CYTH3: variants seen among roughly 807,000 people sequenced by gnomAD.
The protein encoded by CYTH3 is cytohesin-3.
Under a neutral mutation model 55.1 loss-of-function variants are expected in CYTH3, and 23 were observed. The observed-to-expected ratio is 0.42, with a 90% CI of 0.30 to 0.59. The LOEUF (loss-of-function observed/expected upper bound fraction) is 0.59. Ranked by LOEUF, CYTH3 falls within the 20% of genes least tolerant of loss-of-function variation. The probability of loss-of-function intolerance (pLI) is 0.20; values close to 1 mark genes in which losing one functional copy is unlikely to be tolerated. For synonymous variants in CYTH3, 249 were observed against 194.9 expected (o/e 1.28, Z -2.31); for missense variants, 413 against 524.8 (o/e 0.79, Z 2.08).
At chr7:6,224,659 G>A (rs1779194475) in intron 1 of CYTH3, among the ~76,000 whole-genome samples, 1 of 152,184 alleles carries the variant, frequency 6.6e-6, no homozygotes, top group Admixed American at 6.5e-5. Context: ...ACAATTTAGT[G>A]GCTCCCCAGA....
chr7:6,252,497 G>T (rs948600362), intron 1 of CYTH3, among the ~76,000 whole-genome samples: 15 of 152,170 alleles, frequency 9.9e-5, no homozygotes, highest in African/African-American at 3.6e-4. Flanking sequence ...GAGACTCCGA[G>T]ACCCTGTTGC....
chr7:6,208,218 G>A (rs1454639865), intron 1 of CYTH3, among the ~76,000 whole-genome samples: 1 of 152,168 alleles, frequency 6.6e-6, no homozygotes, highest in Non-Finnish European at 1.5e-5. Context: ...GGCAGTCATT[G>A]CAAGATTTTT....
intron 1 of CYTH3, among the ~76,000 whole-genome samples, chr7:6,192,529 ATTTTTTTT>A (rs36036670): frequency 2.7e-5 from 3 of 111,324 alleles, no homozygotes; most frequent in African/African-American, 7.3e-5. Context: ...CCACAAGTCA[ATTTTTTTT>A]TTTTTTTTTT....
Position 6,165,250 on chromosome 7 carries a change from C to G in CYTH3, c.1127+23G>C, listed in dbSNP as rs200832651. Reference sequence around the variant, plus strand: ...ACCGGCACGAGAAGACGGGCCTGGCCCCGCCCCCGAGGCCCCACTCACTTG... The same window carrying G: ...ACCGGCACGAGAAGACGGGCCTGGCGCCGCCCCCGAGGCCCCACTCACTTG... On this transcript the variant is annotated intron_variant, in intron 12 of 12. Transcript: ENST00000350796. 100 of 1,598,818 alleles carry G rather than the reference C, an allele frequency of 6.3e-5. No individual in the cohort carries two copies. The East Asian group carries it at 1.9e-3, about 31-fold the overall frequency.
At chr7:6,180,614 G>A (rs1199709498) in intron 4 of CYTH3, among the ~76,000 whole-genome samples, 1 of 152,210 alleles carries the variant, frequency 6.6e-6, no homozygotes, top group South Asian at 2.1e-4. Flanking sequence ...GATTTCTCTT[G>A]TTTTAAACCA....
intron 1 of CYTH3, among the ~76,000 whole-genome samples, chr7:6,193,874 G>T (rs1056600704): frequency 6.6e-6 from 1 of 152,102 alleles, no homozygotes; most frequent in Non-Finnish European, 1.5e-5. Flanking sequence ...TCACCAAGCC[G>T]CCTTCTCCAC....
chr7:6,225,790 C>T (rs529683367), intron 1 of CYTH3, among the ~76,000 whole-genome samples: 4 of 151,994 alleles, frequency 2.6e-5, no homozygotes, highest in Non-Finnish European at 5.9e-5. Flanking sequence ...AGCGGTTCTC[C>T]TGCCTCAGGC....
chr7:6,194,916 A>G (rs940513401), intron 1 of CYTH3, among the ~76,000 whole-genome samples: 2 of 152,204 alleles, frequency 1.3e-5, no homozygotes, highest in Admixed American at 1.3e-4. Flanking sequence ...TGGAAGTTGC[A>G]GTGAGCCGAG....
chr7:6,203,338 G>A (rs956247674), intron 1 of CYTH3, among the ~76,000 whole-genome samples: 3 of 151,708 alleles, frequency 2.0e-5, no homozygotes, highest in African/African-American at 7.3e-5. Context: ...ACATATCATT[G>A]CCTCCATAGC....
rs780048664 is a variant in CYTH3 at position 6,223,696 on chromosome 7, T to C, written c.35-33165A>G. On this transcript the variant is annotated intron_variant, in intron 1 of 12. Coordinates refer to ENST00000350796, the MANE Select transcript of CYTH3 (RefSeq NM_004227.4). ...AAGTACCCAGGGACACAAACACTGC[T>C]GAAGGCCGAAGGGACCTCTGCCTAG... is the stretch of plus-strand genomic sequence containing the variant. Among the ~76,000 whole-genome samples the C allele has an allele frequency of 4.6e-5, 7 of 152,144 alleles. No individual in the cohort carries two copies. In the South Asian group the frequency reaches 8.3e-4, roughly 18 times the overall value.
Position 6,192,812 on chromosome 7 carries a change from C to T in CYTH3, c.35-2281G>A, listed in dbSNP as rs1329053886. Among the ~76,000 whole-genome samples the T allele has an allele frequency of 2.6e-5, 4 of 151,296 alleles. No homozygotes were observed. The South Asian group carries it at 8.4e-4, about 32-fold the overall frequency. On this transcript the variant is annotated intron_variant, in intron 1 of 12. Transcript: ENST00000350796. ...CCTCCCAAAATGCTGAGATTACAGG[C>T]CTGAGCCACCACACCTGGCCCACAA...
intron 1 of CYTH3, among the ~76,000 whole-genome samples, chr7:6,256,764 C>T (rs769903705): frequency 3.9e-5 from 6 of 152,168 alleles, no homozygotes; most frequent in Non-Finnish European, 8.8e-5. Flanking sequence ...AATTACTGGG[C>T]ACTTGTCAGG....
intron 5 of CYTH3, among the ~76,000 whole-genome samples, chr7:6,174,236 T>A (rs1202877332): frequency 6.6e-6 from 1 of 152,122 alleles, no homozygotes; most frequent in Non-Finnish European, 1.5e-5. Context: ...TGCCTCAGCC[T>A]CCTAAGTAGC....
intron 1 of CYTH3, among the ~76,000 whole-genome samples, chr7:6,254,534 C>T (rs1451958568): frequency 2.0e-5 from 3 of 152,314 alleles, no homozygotes; most frequent in African/African-American, 4.8e-5. Context: ...CTGCAACCTC[C>T]GCCTCCCAGG....
At chr7:6,189,371 C>T (rs923180435) in intron 2 of CYTH3, among the ~76,000 whole-genome samples, 4 of 152,032 alleles carry the variant, frequency 2.6e-5, no homozygotes, top group African/African-American at 9.7e-5. Context: ...TACACTGGCA[C>T]AATCACAGTT....
chr7:6,261,689 C>CAAAAAAA (rs71549614), intron 1 of CYTH3, among the ~76,000 whole-genome samples: 28 of 47,500 alleles, frequency 5.9e-4, no homozygotes, highest in Non-Finnish European at 8.6e-4. Flanking sequence ...GACCCTGTCT[C>CAAAAAAA]AAAAAAAAAA....
chr7:6,221,247 C>A (rs1784544311), intron 1 of CYTH3, among the ~76,000 whole-genome samples: 1 of 152,164 alleles, frequency 6.6e-6, no homozygotes, highest in Non-Finnish European at 1.5e-5. Flanking sequence ...ACTATTGATA[C>A]ACACAACAGC....
At chr7:6,246,347 C>T (rs1390864275) in intron 1 of CYTH3, among the ~76,000 whole-genome samples, 1 of 151,964 alleles carries the variant, frequency 6.6e-6, no homozygotes, top group Non-Finnish European at 1.5e-5. Context: ...GGATTATAGC[C>T]ACGAGCTACC....
At chr7:6,179,797 CCACCACACA>C (rs1485146736) in intron 4 of CYTH3, among the ~76,000 whole-genome samples, 807 of 122,914 alleles carry the variant, frequency 6.6e-3, no homozygotes, top group Middle Eastern at 9.7e-3. Context: ...CCACACACAC[CCACCACACA>C]CACCACACAC....
Sources: gnomAD v4.1 joint callset for allele counts (sites outside exome capture counted in the v4.1 genomes callset) on GRCh38, gnomAD v4.1.1 for gene constraint, MANE v1.5 for transcripts, NCBI Gene and HGNC (gene_info 2026-07-23, HGNC 2026-07-21) for gene names.